The following ZNF682 variants were observed in gnomAD, a reference collection of about 807,000 sequenced individuals.
ZNF682 encodes zinc finger protein 682.
A neutral mutation model predicts 36.5 loss-of-function variants in ZNF682; 29 were observed. The observed-to-expected ratio is 0.80, with a 90% CI of 0.59 to 1.08. ZNF682 has a LOEUF of 1.08. Ranked by LOEUF, ZNF682 falls within the 50% of genes least tolerant of loss-of-function variation. ZNF682 has a pLI of 0.00. For missense variants in ZNF682, 561 were observed against 579.7 expected (o/e 0.97, Z 0.33); for synonymous variants, 180 against 197.0 (o/e 0.91, Z 0.72).
chr19:20,013,948 T>C (rs1261019684), intron 3 of ZNF682, among the ~76,000 whole-genome samples: 1 of 152,098 alleles, frequency 6.6e-6, no homozygotes, highest in Admixed American at 6.5e-5. Flanking sequence ...AACTAAAAAT[T>C]AGTAATAGAA....
At chr19:20,028,658 C>T (rs1166381936) in intron 1 of ZNF682, among the ~76,000 whole-genome samples, 1 of 152,200 alleles carries the variant, frequency 6.6e-6, no homozygotes, top group Non-Finnish European at 1.5e-5. Context: ...TCTTAGAACA[C>T]AAATGCTTTT....
chr19:20,006,750 T>C lies in ZNF682; in HGVS notation c.752A>G (p.His251Arg). The change falls in exon 4 of 4, where the codon CAT becomes CGT. Residue 251 changes from histidine (H) to arginine (R), a missense_variant. Transcript: ENST00000397165. ...CSSLTKHKRIHTGEKPYKCEE... is the reference protein window; with the variant it reads ...CSSLTKHKRIRTGEKPYKCEE... ...ACATTTGTAGGGTTTCTCACCAGTA[T>C]GGATTCTCTTATGTTTAGTAAGACT... 6.2e-7 allele frequency: 1 copy of C among 1,614,054 alleles called. No homozygotes were observed. The highest frequency in any genetic ancestry group is 8.5e-7 in the Non-Finnish European group (1 of 1,179,990).
At chr19:20,010,321 C>A (rs2122316600) in intron 3 of ZNF682, among the ~76,000 whole-genome samples, 1 of 152,260 alleles carries the variant, frequency 6.6e-6, no homozygotes, top group East Asian at 1.9e-4. Context: ...ACTAAGATAT[C>A]AATATTAACC....
At chr19:20,014,264 A>G (rs2088314690) in intron 3 of ZNF682, among the ~76,000 whole-genome samples, 1 of 152,220 alleles carries the variant, frequency 6.6e-6, no homozygotes, top group East Asian at 1.9e-4. Context: ...GTTTAGTACT[A>G]GCATAAAGGC....
chr19:20,029,900 A>G (rs1354224735), intron 1 of ZNF682, among the ~76,000 whole-genome samples: 1 of 152,184 alleles, frequency 6.6e-6, no homozygotes, highest in African/African-American at 2.4e-5. Context: ...AGAATTGTGA[A>G]CAACCACTCT....
At chr19:20,016,592 A>G (rs1186938844) in intron 3 of ZNF682, among the ~76,000 whole-genome samples, 1 of 152,118 alleles carries the variant, frequency 6.6e-6, no homozygotes, top group Non-Finnish European at 1.5e-5. Flanking sequence ...AGATAACTTA[A>G]TGAGGTAATA....
rs980218713 is a variant in ZNF682 at position 20,004,460 on chromosome 19, A to G, written c.*1545T>C. On this transcript the variant is annotated 3_prime_UTR_variant, in exon 4 of 4. Coordinates refer to ENST00000397165, the MANE Select transcript of ZNF682 (RefSeq NM_033196.3). The stretch of plus-strand genomic sequence containing the variant: ...ATTGTTTTATTGAAACTAAGTTCAC[A>G]CAGTCTAAGAAAAGCATTACAAAAT... 2.0e-5 allele frequency: 3 copies of G among 152,238 alleles called. No individual in the cohort carries two copies. In the East Asian group the frequency reaches 5.8e-4, roughly 29 times the overall value. The allele number at this position is 152,238 out of a possible 1,614,324, so 9.4% of individuals were successfully genotyped here.
intron 3 of ZNF682, among the ~76,000 whole-genome samples, chr19:20,013,642 G>A (rs1340638588): frequency 2.0e-5 from 3 of 152,118 alleles, no homozygotes; most frequent in Non-Finnish European, 2.9e-5. Context: ...GCGCAGTGGC[G>A]CGATCTGGGC....
intron 3 of ZNF682, among the ~76,000 whole-genome samples, chr19:20,008,635 T>C (rs1399323524): frequency 1.3e-5 from 2 of 152,162 alleles, no homozygotes; most frequent in African/African-American, 4.8e-5. Context: ...GGTCTCCTGG[T>C]GACCTAAAAG....
intron 1 of ZNF682, among the ~76,000 whole-genome samples, chr19:20,027,653 G>A (rs2122374235): frequency 6.6e-6 from 1 of 152,298 alleles, no homozygotes; most frequent in Non-Finnish European, 1.5e-5. Context: ...CAGCTACTTG[G>A]GAGGCTGAGG....
chr19:20,036,606 C>CAAAA (rs71172557), intron 1 of ZNF682, among the ~76,000 whole-genome samples: 3 of 71,452 alleles, frequency 4.2e-5, no homozygotes, highest in Non-Finnish European at 5.2e-5. Context: ...AACTCCATCT[C>CAAAA]AAAAAAAAAA....
chr19:20,016,032 C>T lies in ZNF682; in HGVS notation c.226+6972G>A, dbSNP rs143506003. Among the ~76,000 whole-genome samples the T allele has an allele frequency of 5.7e-3, 871 of 152,158 alleles. 6 individuals are homozygous for T. The highest frequency in any genetic ancestry group is 0.034 in the Middle Eastern group (10 of 294). ...GGCAACTTAATTATACAAACTAAGC[C>T]GGGCATGGTGGCTCAAGCCTGTAAC... On this transcript the variant is annotated intron_variant, in intron 3 of 3. Transcript: ENST00000397165.
In ZNF682 at chr19:20,007,154, ATCCT is replaced by A; in HGVS notation, c.344_347del (p.Lys115MetfsTer36). On this transcript the variant is annotated frameshift_variant, in exon 4 of 4. Coordinates refer to ENST00000397165, the MANE Select transcript of ZNF682 (RefSeq NM_033196.3). LOFTEE classifies it low-confidence loss of function (END_TRUNC). ...CCTTACACTCACCCACATTTTCCCC[ATCCT>A]TCCTTAAGTGTAAATCCTCAAGTCC... is the stretch of plus-strand genomic sequence containing the variant. The A allele has an allele frequency of 6.2e-7, 1 of 1,613,686 alleles. No individual in the cohort carries two copies.
chr19:20,011,812 C>T (rs1309866714), intron 3 of ZNF682, among the ~76,000 whole-genome samples: 3 of 151,846 alleles, frequency 2.0e-5, no homozygotes, highest in Admixed American at 6.6e-5. Flanking sequence ...CCGAGGCAGG[C>T]GGATCACGAG....
At position 20,023,117 on chromosome 19, in the gene ZNF682, A is replaced by T; in HGVS notation, c.131-18T>A. 3.1e-6 allele frequency: 5 copies of T among 1,609,550 alleles called. No individual in the cohort carries two copies. Among genetic ancestry groups the T allele is most frequent in the Non-Finnish European group, 4.3e-6 (5 of 1,176,190 alleles). On this transcript the variant is annotated intron_variant, in intron 2 of 3. Coordinates refer to ENST00000397165, the MANE Select transcript of ZNF682 (RefSeq NM_033196.3). The stretch of plus-strand genomic sequence containing the variant: ...AGTAAGACCTGTTTTATTAGAAAAA[A>T]GTAATGTGATTCTTGCTGGGATTCT...
At chr19:20,015,889 A>T (rs2088330489) in intron 3 of ZNF682, 2 of 397,660 alleles carry the variant, frequency 5.0e-6, no homozygotes, top group Non-Finnish European at 4.4e-6. Flanking sequence ...TAAGAACAAT[A>T]TAAATATTGT....
At chr19:20,015,679 A>G (rs1298149475) in intron 3 of ZNF682, 2 of 388,636 alleles carry the variant, frequency 5.1e-6, no homozygotes, top group South Asian at 2.8e-4. Context: ...TTGAATCAAG[A>G]GCATACAGTT....
chr19:19,996,856 T>C (rs2088131310), downstream of ZNF682, among the ~76,000 whole-genome samples: 1 of 152,098 alleles, frequency 6.6e-6, no homozygotes, highest in Non-Finnish European at 1.5e-5. Context: ...AATTTCTCAT[T>C]TTAAAATTGG....
chr19:20,021,507 C>T (rs1396264907), intron 3 of ZNF682, among the ~76,000 whole-genome samples: 3 of 151,918 alleles, frequency 2.0e-5, no homozygotes, highest in African/African-American at 4.8e-5. Flanking sequence ...CAAAAAACAA[C>T]AACAACAAAA....
Sources: allele counts gnomAD v4.1 joint callset (sites outside exome capture counted in the v4.1 genomes callset), GRCh38; gene constraint gnomAD v4.1.1; transcripts MANE v1.5; gene names NCBI Gene and HGNC (gene_info 2026-07-23, HGNC 2026-07-21).